The following PGC variants were observed in gnomAD, a reference collection of about 807,000 sequenced individuals.
The protein encoded by PGC is gastricsin.
PGC carries 31 observed loss-of-function variants against 45.9 expected under a neutral mutation model. That is an observed-to-expected ratio of 0.67 (90% CI 0.51 to 0.91). The LOEUF (loss-of-function observed/expected upper bound fraction) is 0.91. PGC is among the 40% of genes least tolerant of loss of function. The probability of loss-of-function intolerance (pLI) is 0.00; values close to 1 mark genes in which losing one functional copy is unlikely to be tolerated. For synonymous variants in PGC, 192 were observed against 201.8 expected (o/e 0.95, Z 0.41); for missense variants, 477 against 493.2 (o/e 0.97, Z 0.31).
At chr6:41,740,811 G>A (rs1771808221) in intron 5 of PGC, 2 of 1,427,620 alleles carry the variant, frequency 1.4e-6, no homozygotes, top group Non-Finnish European at 1.8e-6. Flanking sequence ...CTGAGGATGG[G>A]GCTGTGTCCC....
intron 7 of PGC, among the ~76,000 whole-genome samples, chr6:41,739,273 A>G (rs1771778442): frequency 6.6e-6 from 1 of 152,166 alleles, no homozygotes. Context: ...TTCCTGCCTA[A>G]TAGTAACCTC....
intron 5 of PGC, chr6:41,741,216 G>A (rs755807175): frequency 6.6e-7 from 1 of 1,513,890 alleles, no homozygotes; most frequent in Non-Finnish European, 8.8e-7. Flanking sequence ...TGTGGAGCTG[G>A]GTGGAGCTGC....
intron 1 of PGC, among the ~76,000 whole-genome samples, chr6:41,746,233 A>AG (rs1771929889): frequency 6.6e-6 from 1 of 152,078 alleles, no homozygotes. Flanking sequence ...GGCAGCCCTC[A>AG]GGCACCTGGC....
intron 5 of PGC, among the ~76,000 whole-genome samples, chr6:41,741,564 T>G (rs988273862): frequency 5.9e-5 from 9 of 152,126 alleles, no homozygotes; most frequent in African/African-American, 2.2e-4. Flanking sequence ...GAAAATAGCT[T>G]GAATCCGGGA....
At chr6:41,743,019 T>G (rs889454980) in intron 4 of PGC, among the ~76,000 whole-genome samples, 1 of 152,220 alleles carries the variant, frequency 6.6e-6, no homozygotes, top group Non-Finnish European at 1.5e-5. Flanking sequence ...CCTTCTTCTC[T>G]GAGCTCCCCA....
In PGC at chr6:41,744,162, G is replaced by A. The variant is rs980495143; in HGVS notation, c.328+235C>T. Among the ~76,000 whole-genome samples, 1 of 152,154 alleles carries A rather than the reference G, an allele frequency of 6.6e-6. No homozygotes were observed. The highest frequency in any genetic ancestry group is 2.4e-5 in the African/African-American group (1 of 41,444). ...GAATAAAAGGGAGTGGGGAGTTAGG[G>A]GCTGGCATAAGCAAAGGGATACATA... On this transcript the variant is annotated intron_variant, in intron 3 of 8. Coordinates refer to ENST00000373025, the MANE Select transcript of PGC (RefSeq NM_002630.4). This position sits in a 1 kb window ranked among gnomAD's most constrained non-coding sequence, Gnocchi z 4.4.
Position 41,744,881 on chromosome 6 carries a change from C to T in PGC, c.60-73G>A, listed in dbSNP as rs1408812275. 1.5e-6 allele frequency: 2 copies of T among 1,328,576 alleles called. No individual in the cohort carries two copies. Among genetic ancestry groups the T allele is most frequent in the Non-Finnish European group, 2.1e-6 (2 of 957,932 alleles). 82.3% of individuals were successfully genotyped at this position (1,328,576 alleles called of 1,614,324 possible). ...TCCCACTCCTCTCTTTCTCTCTCTC[C>T]TTCTCTTAACTGCATGCTTCAACCT... is the stretch of plus-strand genomic sequence containing the variant. On this transcript the variant is annotated intron_variant, in intron 1 of 8. Transcript: ENST00000373025. This position sits in a 1 kb window ranked among gnomAD's most constrained non-coding sequence, Gnocchi z 4.4.
chr6:41,737,940 C>T (rs1370471514), intron 7 of PGC, 112 bp from the exon 8 acceptor site: 2 of 651,356 alleles, frequency 3.1e-6, no homozygotes, highest in Non-Finnish European at 5.6e-6. Context: ...AAGCCCTAAG[C>T]CTGTTTTTGG....
rs767353055 is a variant in PGC at position 41,736,885 on chromosome 6, G to A, written c.1134C>T (p.Gly378=). The A allele has an allele frequency of 2.5e-6, 4 of 1,614,058 alleles. No individual in the cohort carries two copies. Among genetic ancestry groups the A allele is most frequent in the Non-Finnish European group, 3.4e-6 (4 of 1,180,030 alleles). The change falls in exon 9 of 9, where the codon GGC becomes GGT. Residue 378 remains glycine (G), a synonymous_variant. Transcript: ENST00000373025. The stretch of plus-strand genomic sequence containing the variant: ...CAGTGGCAAAGCCTACTCTGTTGTT[G>A]CCCAAGTCGTAGACGGAATAGTAGG... ...LRSYYSVYDL[G]NNRVGFATAA
In PGC at chr6:41,742,275, C is replaced by CA; in HGVS notation, c.647+14dup. ...AGCATCCCGGGAGGTGGGGACTGGCCAGCTGGTTGCTCACTTGCTGAGGTA... is the reference window on the plus strand; with the variant it reads ...AGCATCCCGGGAGGTGGGGACTGGCCAAGCTGGTTGCTCACTTGCTGAGGTA... On this transcript the variant is annotated intron_variant, in intron 5 of 8. Transcript: ENST00000373025. 6.2e-7 allele frequency: 1 copy of CA among 1,611,442 alleles called. No individual in the cohort carries two copies.
chr6:41,740,453 G>T, intron 6 of PGC, 38 bp downstream of exon 6: 1 of 1,581,464 alleles, frequency 6.3e-7, no homozygotes, highest in Non-Finnish European at 8.6e-7. Flanking sequence ...CCCACTCCAA[G>T]GAAGTGCCAC....
chr6:41,743,949 A>G (rs1462685828), intron 3 of PGC, among the ~76,000 whole-genome samples: 1 of 152,218 alleles, frequency 6.6e-6, no homozygotes, highest in Non-Finnish European at 1.5e-5. Flanking sequence ...CCACTATAGT[A>G]CGGAGCCCAC....
chr6:41,746,405 G>C (rs1013312650), intron 1 of PGC, among the ~76,000 whole-genome samples: 1 of 152,212 alleles, frequency 6.6e-6, no homozygotes, highest in East Asian at 1.9e-4. Flanking sequence ...GGGTGGTCTG[G>C]AGCACAGATC....
At chr6:41,738,811 T>C (rs1771767349) in intron 7 of PGC, among the ~76,000 whole-genome samples, 1 of 151,596 alleles carries the variant, frequency 6.6e-6, no homozygotes, top group South Asian at 2.1e-4. Context: ...ACAAAAAAAT[T>C]AGCCAGGCGT....
rs1234025958 is a variant in PGC, at chr6:41,744,863, CCTCT to C, written c.60-59_60-56del. 1.2e-5 allele frequency: 18 copies of C among 1,477,656 alleles called. No individual in the cohort carries two copies. The highest frequency in any genetic ancestry group is 1.5e-5 in the Non-Finnish European group (16 of 1,075,930). The allele number at this position is 1,477,656 out of a possible 1,614,324, so 91.5% of individuals were successfully genotyped here. A position where few individuals can be genotyped will look rare whatever the true frequency, so the allele number is the denominator to read the frequency against. On this transcript the variant is annotated intron_variant, in intron 1 of 8. Transcript: ENST00000373025. The surrounding 1 kb of genome is among the most constrained non-coding windows in gnomAD (Gnocchi z 4.4). The stretch of plus-strand genomic sequence containing the variant: ...CCTCCCTCCTTCCTCTCTTCCCACT[CCTCT>C]CTTTCTCTCTCTCCTTCTCTTAACT...
Position 41,744,980 on chromosome 6 carries a change from T to C in PGC, c.60-172A>G, listed in dbSNP as rs1418985455. Among the ~76,000 whole-genome samples the C allele has an allele frequency of 1.7e-5, 1 of 59,054 alleles. No homozygotes were observed. Among genetic ancestry groups the C allele is most frequent in the Non-Finnish European group, 4.7e-5 (1 of 21,486 alleles). The allele number at this position is 59,054 out of a possible 152,430, so 38.7% of individuals were successfully genotyped here. A position where few individuals can be genotyped will look rare whatever the true frequency, so the allele number is the denominator to read the frequency against. ...CTCTCAGCCTTTTGCTCTCTGTCTC[T>C]GTCTGTCTGTCTCTCTGTGTGTGTG... On this transcript the variant is annotated intron_variant, in intron 1 of 8. Coordinates refer to ENST00000373025, the MANE Select transcript of PGC (RefSeq NM_002630.4). This position sits in a 1 kb window ranked among gnomAD's most constrained non-coding sequence, Gnocchi z 4.4.
At chr6:41,747,169 A>G (rs987583729) in intron 1 of PGC, 107 bp downstream of exon 1, 2 of 890,342 alleles carry the variant, frequency 2.2e-6, no homozygotes, top group Admixed American at 1.9e-5. Flanking sequence ...CCCTAGCAGA[A>G]GTCCCAGAGT....
rs139257805 is a variant in PGC at position 41,744,327 on chromosome 6, T to G, written c.328+70A>C. On this transcript the variant is annotated intron_variant, in intron 3 of 8. Coordinates refer to ENST00000373025, the MANE Select transcript of PGC (RefSeq NM_002630.4). This position sits in a 1 kb window ranked among gnomAD's most constrained non-coding sequence, Gnocchi z 4.4. ...TCAGTCCTGAGCTCCCTCTGGAAGT[T>G]TGGCCCTCCCCAGAGGGTATCAGTG... 475 of 1,080,810 alleles carry G rather than the reference T, an allele frequency of 4.4e-4. 2 individuals carry two copies. The highest frequency in any genetic ancestry group is 5.1e-4 in the Non-Finnish European group (374 of 726,444). The allele number at this position is 1,080,810 out of a possible 1,614,324, so 67.0% of individuals were successfully genotyped here. A position where few individuals can be genotyped will look rare whatever the true frequency, so the allele number is the denominator to read the frequency against.
intron 5 of PGC, among the ~76,000 whole-genome samples, chr6:41,741,457 C>A (rs1771822337): frequency 6.6e-6 from 1 of 152,112 alleles, no homozygotes; most frequent in African/African-American, 2.4e-5. Flanking sequence ...ACCAGCCTGG[C>A]CAACATGGTG....
Sources: allele counts gnomAD v4.1 joint callset (sites outside exome capture counted in the v4.1 genomes callset), GRCh38; gene constraint gnomAD v4.1.1; non-coding constraint Gnocchi (gnomAD v3.1); transcripts MANE v1.5; gene names NCBI Gene and HGNC (gene_info 2026-07-23, HGNC 2026-07-21).